The following UBXN4 variants were observed in gnomAD, a reference collection of about 807,000 sequenced individuals.
UBXN4 encodes UBX domain protein 4.
Under a neutral mutation model 66.2 loss-of-function variants are expected in UBXN4, and 35 were observed. The ratio of observed to expected loss-of-function variants is 0.53; its 90% CI spans 0.40 to 0.70. UBXN4 has a LOEUF of 0.70. Among genes scored for constraint, UBXN4 ranks in the 30% least tolerant of loss-of-function variants. The pLI is 0.00. For synonymous variants in UBXN4, 203 were observed against 204.5 expected, an observed-to-expected ratio of 0.99 and a Z score of 0.06; for missense variants, 533 against 599.8, an observed-to-expected ratio of 0.89 and a Z score of 1.16.
intron 1 of UBXN4, chr2:135,748,000 C>A: frequency 3.0e-6 from 1 of 338,276 alleles, no homozygotes; most frequent in Non-Finnish European, 5.5e-6. Context: ...TATTGTGGTA[C>A]TTTGCGCATC....
intron 4 of UBXN4, 27 bp downstream of exon 4, chr2:135,754,304 C>T (rs16831997): frequency 0.059 from 91,670 of 1,551,418 alleles, 6,710 homozygotes; most frequent in African/African-American, 0.26. Flanking sequence ...CTGTTGTTTC[C>T]GTAAATGGTA....
At chr2:135,747,348 CAAAAAAAAAAAAAAA>C (rs138276089) in intron 1 of UBXN4, among the ~76,000 whole-genome samples, 1 of 83,514 alleles carries the variant, frequency 1.2e-5, no homozygotes, top group African/African-American at 4.4e-5. Context: ...AACTCCATCT[CAAAAAAAAAAAAAAA>C]AAAAAAAAAG....
intron 6 of UBXN4, among the ~76,000 whole-genome samples, chr2:135,769,005 ATTTG>A (rs925756005): frequency 6.6e-6 from 1 of 151,832 alleles, no homozygotes; most frequent in Non-Finnish European, 1.5e-5. Flanking sequence ...CCCAGCCTCC[ATTTG>A]TTTGTTTATT....
At chr2:135,779,230 C>T in intron 11 of UBXN4, 151 bp downstream of exon 11, 1 of 861,332 alleles carries the variant, frequency 1.2e-6, no homozygotes, top group Non-Finnish European at 1.6e-6. Flanking sequence ...TTTATAATTC[C>T]ATTATCCTGT....
intron 6 of UBXN4, among the ~76,000 whole-genome samples, chr2:135,766,229 A>G (rs901951878): frequency 1.3e-5 from 2 of 152,254 alleles, no homozygotes; most frequent in African/African-American, 4.8e-5. Flanking sequence ...GATGCAGTGT[A>G]GCTTTTCACC....
intron 6 of UBXN4, among the ~76,000 whole-genome samples, chr2:135,766,345 A>G (rs1559541563): frequency 2.6e-5 from 4 of 152,226 alleles, no homozygotes; most frequent in Admixed American, 6.5e-5. Flanking sequence ...TTCAGATACA[A>G]GCACGATACC....
chr2:135,744,019 C>G (rs1184656552), intron 1 of UBXN4, among the ~76,000 whole-genome samples: 1 of 152,130 alleles, frequency 6.6e-6, no homozygotes, highest in African/African-American at 2.4e-5. Context: ...ATCCAGCTAG[C>G]TTTTTTAGAG....
chr2:135,777,794 A>C (rs60433564), intron 10 of UBXN4, among the ~76,000 whole-genome samples: 20,145 of 151,076 alleles, frequency 0.13, 1,635 homozygotes, highest in South Asian at 0.29. Flanking sequence ...GAGGCAGGAG[A>C]ATCGCTTGAA....
intron 6 of UBXN4, among the ~76,000 whole-genome samples, chr2:135,763,194 T>C (rs2077325821): frequency 6.6e-6 from 1 of 152,218 alleles, no homozygotes; most frequent in Non-Finnish European, 1.5e-5. Context: ...GTATGTAATA[T>C]TCCCATTCCA....
At chr2:135,760,402 G>T (rs2077307881) in intron 5 of UBXN4, among the ~76,000 whole-genome samples, 1 of 151,948 alleles carries the variant, frequency 6.6e-6, no homozygotes, top group Non-Finnish European at 1.5e-5. Flanking sequence ...CTGCTCTCCA[G>T]CCTGGGCAAC....
In UBXN4 at chr2:135,772,539, A is replaced by C; in HGVS notation, c.942A>C (p.Arg314Ser). Residue 314 changes from arginine (R) to serine (S), a missense_variant, in exon 9 of 13, where the codon AGA becomes AGC. Physicochemically the swap from Arg to Ser is moderately radical, Grantham distance 110. Around this residue, in one of 2 missense-constraint regions of UBXN4, gnomAD observed 529 missense variants for 580.1 expected, o/e 0.91. Coordinates refer to ENST00000272638, the MANE Select transcript of UBXN4 (RefSeq NM_014607.4). ...AAGTCAAGAGGGAATCTTATGCAAG[A>C]GAAAGAAGGTACTATATTTCATGCT... Reference protein sequence around the residue: ...EMEVKRESYARERSTVARIQF... With the variant: ...EMEVKRESYASERSTVARIQF... 1 of 1,613,674 alleles carries C rather than the reference A, an allele frequency of 6.2e-7. No individual in the cohort carries two copies. The highest frequency in any genetic ancestry group is 8.5e-7 in the Non-Finnish European group (1 of 1,179,684).
intron 11 of UBXN4, 46 bp downstream of exon 11, chr2:135,779,125 T>C: frequency 2.6e-6 from 4 of 1,527,624 alleles, no homozygotes; most frequent in Non-Finnish European, 3.5e-6. Context: ...TTGTTTTCTG[T>C]TTATCATACT....
chr2:135,774,189 C>G (rs1470580487), intron 9 of UBXN4, among the ~76,000 whole-genome samples: 1 of 152,126 alleles, frequency 6.6e-6, no homozygotes, highest in Admixed American at 6.5e-5. Context: ...AATGGAGTCT[C>G]TAGAAATAAA....
intron 1 of UBXN4, among the ~76,000 whole-genome samples, chr2:135,744,519 T>C (rs1392820341): frequency 6.6e-6 from 1 of 152,214 alleles, no homozygotes. Context: ...GTTCACTGGC[T>C]AATGTTGCTA....
rs555343136 is a variant in UBXN4 at position 135,762,531 on chromosome 2, A to T, written c.602+620A>T. Among the ~76,000 whole-genome samples the T allele has an allele frequency of 1.5e-4, 23 of 152,312 alleles. No individual in the cohort carries two copies. The East Asian group carries it at 2.9e-3, about 19-fold the overall frequency. On this transcript the variant is annotated intron_variant, in intron 6 of 12. Coordinates refer to ENST00000272638, the MANE Select transcript of UBXN4 (RefSeq NM_014607.4). ...TTCCTTAGCATTTAAAAATTTTTTT[A>T]AAAAAACCTTCCTTAGAGAGACTTG...
Position 135,769,754 on chromosome 2 carries a change from T to A in UBXN4, c.603-15T>A. The A allele has an allele frequency of 6.4e-7, 1 of 1,555,636 alleles. No individual in the cohort carries two copies. The stretch of plus-strand genomic sequence containing the variant: ...TGTGTCTCAATTAGTGGTGGTTTTT[T>A]TTTTTTTAATACAGACTAACAAAAA... On this transcript the variant is annotated splice_polypyrimidine_tract_variant and intron_variant, in intron 6 of 12. Coordinates refer to ENST00000272638, the MANE Select transcript of UBXN4 (RefSeq NM_014607.4).
chr2:135,775,155 G>T (rs1397110392), intron 9 of UBXN4, among the ~76,000 whole-genome samples: 1 of 152,244 alleles, frequency 6.6e-6, no homozygotes, highest in East Asian at 1.9e-4. Flanking sequence ...ATAAGTGTTT[G>T]TGAGGATGTG....
chr2:135,761,187 G>A (rs2077313403), intron 5 of UBXN4, among the ~76,000 whole-genome samples: 2 of 152,198 alleles, frequency 1.3e-5, no homozygotes, highest in Admixed American at 1.3e-4. Flanking sequence ...TTGTAAGGAA[G>A]GGAATGACAG....
chr2:135,751,267 A>G (rs779151068), intron 2 of UBXN4, among the ~76,000 whole-genome samples: 2 of 150,734 alleles, frequency 1.3e-5, no homozygotes, highest in Non-Finnish European at 3.0e-5. Context: ...GCTCACTGCA[A>G]GCTCCGCCTC....
Sources: allele counts gnomAD v4.1 joint callset (sites outside exome capture counted in the v4.1 genomes callset), GRCh38; gene constraint gnomAD v4.1.1; regional missense constraint gnomAD v4.1.1; transcripts MANE v1.5; gene names NCBI Gene and HGNC (gene_info 2026-07-23, HGNC 2026-07-21).